ESRRG: variants seen among roughly 807,000 people sequenced by gnomAD.
ESRRG encodes estrogen related receptor gamma.
In ESRRG, 13 loss-of-function variants were observed where a neutral mutation model predicts 44.0. The ratio of observed to expected loss-of-function variants is 0.30; its 90% CI spans 0.19 to 0.47. The LOEUF (loss-of-function observed/expected upper bound fraction) is 0.47. Among genes scored for constraint, ESRRG ranks in the 20% least tolerant of loss-of-function variants. The probability of loss-of-function intolerance (pLI) is 1.00; values close to 1 mark genes in which losing one functional copy is unlikely to be tolerated. For missense variants in ESRRG, 395 were observed against 580.6 expected, an observed-to-expected ratio of 0.68 and a Z score of 3.29; for synonymous variants, 215 against 214.6, an observed-to-expected ratio of 1.00 and a Z score of -0.02.
intron 1 of ESRRG, among the ~76,000 whole-genome samples, chr1:216,700,360 C>T (rs571173415): frequency 1.1e-4 from 16 of 152,236 alleles, no homozygotes; most frequent in Admixed American, 5.2e-4. Context: ...AAATTAAGTA[C>T]TTTCTAAGCA....
intron 2 of ESRRG, among the ~76,000 whole-genome samples, chr1:216,654,629 C>CAA (rs35748361): frequency 1.0e-3 from 94 of 94,172 alleles, no homozygotes; most frequent in African/African-American, 4.2e-3. Flanking sequence ...AACTCTGTTT[C>CAA]AAAAAAAAAA....
intron 3 of ESRRG, among the ~76,000 whole-genome samples, chr1:216,626,432 G>T (rs950330489): frequency 6.6e-6 from 1 of 152,112 alleles, no homozygotes; most frequent in African/African-American, 2.4e-5. Context: ...AGTTTCATCT[G>T]CAGTCCAGAT....
intron 2 of ESRRG, among the ~76,000 whole-genome samples, chr1:216,664,965 G>T (rs77135228): frequency 6.6e-6 from 1 of 152,078 alleles, no homozygotes; most frequent in African/African-American, 2.4e-5. Flanking sequence ...CCAAGAGATG[G>T]AAGCAACATA....
At chr1:216,702,361 C>T (rs574855082) in intron 1 of ESRRG, among the ~76,000 whole-genome samples, 1 of 152,182 alleles carries the variant, frequency 6.6e-6, no homozygotes, top group South Asian at 2.1e-4. Flanking sequence ...GATTCATGCT[C>T]ATTTACTAAG....
intron 1 of ESRRG, among the ~76,000 whole-genome samples, chr1:217,017,826 C>A (rs910835718): frequency 2.6e-4 from 39 of 152,260 alleles, no homozygotes; most frequent in African/African-American, 9.4e-4. Context: ...GCAGAAACAG[C>A]AATAACCAAA....
intron 2 of ESRRG, among the ~76,000 whole-genome samples, chr1:216,829,296 G>A (rs1434346228): frequency 6.6e-6 from 1 of 151,972 alleles, no homozygotes; most frequent in Non-Finnish European, 1.5e-5. Context: ...AGAGGGGTGA[G>A]GCAATTGTTA....
At chr1:217,054,436 A>G (rs1322174193) in intron 1 of ESRRG, among the ~76,000 whole-genome samples, 3 of 152,188 alleles carry the variant, frequency 2.0e-5, no homozygotes, top group Admixed American at 1.3e-4. Flanking sequence ...GAGGTTTGGT[A>G]TAGGGATCAT....
At chr1:217,088,703 C>T (rs1258618541) in intron 1 of ESRRG, among the ~76,000 whole-genome samples, 1 of 151,838 alleles carries the variant, frequency 6.6e-6, no homozygotes, top group Non-Finnish European at 1.5e-5. Flanking sequence ...TCCAGAATTG[C>T]TCATTAAGAT....
At chr1:217,132,145 C>T (rs771945633) in intron 1 of ESRRG, among the ~76,000 whole-genome samples, 20 of 152,122 alleles carry the variant, frequency 1.3e-4, no homozygotes, top group Non-Finnish European at 2.2e-4. Flanking sequence ...TTCATCTGTC[C>T]ATGCTCAGTA....
At chr1:217,008,828 T>G (rs1351190174) in intron 1 of ESRRG, among the ~76,000 whole-genome samples, 2 of 152,144 alleles carry the variant, frequency 1.3e-5, no homozygotes, top group Non-Finnish European at 2.9e-5. Flanking sequence ...TTAAATAGAC[T>G]AGCATTCCCC....
intron 2 of ESRRG, among the ~76,000 whole-genome samples, chr1:216,898,477 G>T (rs2058683585): frequency 6.6e-6 from 1 of 152,078 alleles, no homozygotes; most frequent in Non-Finnish European, 1.5e-5. Context: ...AATTAGCTGG[G>T]CGTGGTGGTG....
intron 1 of ESRRG, among the ~76,000 whole-genome samples, chr1:217,086,202 G>T (rs898922467): frequency 2.0e-5 from 3 of 152,140 alleles, no homozygotes; most frequent in African/African-American, 7.2e-5. Flanking sequence ...GCTCCCTGGA[G>T]AAAAGAGAAG....
intron 2 of ESRRG, among the ~76,000 whole-genome samples, chr1:216,789,928 C>T (rs2094260091): frequency 6.6e-6 from 1 of 152,164 alleles, no homozygotes; most frequent in Non-Finnish European, 1.5e-5. Context: ...CTGCACTTCC[C>T]ACTGTACCAG....
intron 1 of ESRRG, among the ~76,000 whole-genome samples, chr1:217,132,960 T>G (rs1007116237): frequency 6.6e-6 from 1 of 152,216 alleles, no homozygotes; most frequent in African/African-American, 2.4e-5. Context: ...GAAAGTTTCT[T>G]GTCTAGTTTT....
intron 1 of ESRRG, among the ~76,000 whole-genome samples, chr1:217,021,049 T>TACACACAC (rs10655764): frequency 0.083 from 12,100 of 145,174 alleles, 601 homozygotes; most frequent in East Asian, 0.13. Flanking sequence ...CTGCCATGCA[T>TACACACAC]ACACACACAC....
At chr1:216,682,709 AGTGTGTGTGT>A (rs72420221) in intron 1 of ESRRG, among the ~76,000 whole-genome samples, 7 of 144,662 alleles carry the variant, frequency 4.8e-5, no homozygotes, top group Non-Finnish European at 9.0e-5. Context: ...AATACTCTAT[AGTGTGTGTGT>A]GTGTGTGTGT....
chr1:216,766,333 G>A lies in ESRRG; in HGVS notation c.-13-88842C>T, dbSNP rs1030086910. 2.0e-5 allele frequency among the ~76,000 whole-genome samples: 3 copies of A among 152,020 alleles called. No individual in the cohort carries two copies. The East Asian group carries it at 5.8e-4, about 29-fold the overall frequency. ...GGAGGTACAATTATGCAGAGAAGAC[G>A]TATATGTGGAGGAGGAGTGAGGAAA... is the stretch of plus-strand genomic sequence containing the variant. On this transcript the variant is annotated intron_variant, in intron 2 of 7. Coordinates refer to the ESRRG transcript ENST00000359162.
At chr1:217,044,190 A>T (rs1356388915) in intron 1 of ESRRG, among the ~76,000 whole-genome samples, 1 of 152,114 alleles carries the variant, frequency 6.6e-6, no homozygotes, top group East Asian at 1.9e-4. Context: ...ACAATAGATC[A>T]TTCTGACATT....
chr1:216,993,945 A>G (rs1279272407), intron 1 of ESRRG, among the ~76,000 whole-genome samples: 1 of 152,166 alleles, frequency 6.6e-6, no homozygotes, highest in African/African-American at 2.4e-5. Flanking sequence ...ATACATTTTT[A>G]TTTCATGAAT....
Sources: gnomAD v4.1 joint callset for allele counts (sites outside exome capture counted in the v4.1 genomes callset) on GRCh38, gnomAD v4.1.1 for gene constraint, MANE v1.5 for transcripts, NCBI Gene and HGNC (gene_info 2026-07-23, HGNC 2026-07-21) for gene names.